Variants in FLI1 observed in about 807,000 individuals in gnomAD.
FLI1 encodes Friend leukemia integration 1 transcription factor.
A neutral mutation model predicts 53.1 loss-of-function variants in FLI1; 13 were observed. That is an observed-to-expected ratio of 0.24 (90% confidence interval 0.16 to 0.39). FLI1 has a LOEUF of 0.39. Ranked by LOEUF, FLI1 falls within the 10% of genes least tolerant of loss-of-function variation. The pLI is 1.00. For synonymous variants in FLI1, 244 were observed against 236.7 expected (o/e 1.03, Z -0.28); for missense variants, 424 against 600.5 (o/e 0.71, Z 3.07).
At chr11:128,707,887 G>A (rs564858550) in intron 1 of FLI1, among the ~76,000 whole-genome samples, 3 of 152,282 alleles carry the variant, frequency 2.0e-5, no homozygotes, top group East Asian at 1.9e-4. Flanking sequence ...CAAAACACTG[G>A]TTTTGTAAGA....
intron 5 of FLI1, among the ~76,000 whole-genome samples, chr11:128,797,257 T>C (rs1260677411): frequency 6.6e-6 from 1 of 152,224 alleles, no homozygotes; most frequent in African/African-American, 2.4e-5. Context: ...TCTCACCTTT[T>C]ACTATTCCTC....
Position 128,791,932 on chromosome 11 carries a change from C to T in FLI1, c.655+9909C>T, listed in dbSNP as rs139597072. Among the ~76,000 whole-genome samples, 1,294 of 152,304 alleles carry T rather than the reference C, an allele frequency of 8.5e-3. 12 individuals carry two copies. The highest frequency in any genetic ancestry group is 0.029 in the South Asian group (142 of 4,816). On this transcript the variant is annotated intron_variant, in intron 5 of 8. Transcript: ENST00000527786. ...GGAGGAGGCTGAGGACACGCCAAGC[C>T]GAGGAAAGGTGACGCTGCAGGGAGA... is the stretch of plus-strand genomic sequence containing the variant.
chr11:128,768,145 C>T lies in FLI1; in HGVS notation c.258C>T (p.Ser86=). 6.2e-7 allele frequency: 1 copy of T among 1,613,640 alleles called. No individual in the cohort carries two copies. The highest frequency in any genetic ancestry group is 8.5e-7 in the Non-Finnish European group (1 of 1,179,714). ...AGTCTCCGGTGGACTGCAGCGTTAG[C>T]AAATGCAGCAAGCTGGTGGGCGGAG... is the stretch of plus-strand genomic sequence containing the variant. ...SRESPVDCSV[S]KCSKLVGGGE... is the part of the protein sequence containing the mutation. Residue 86 remains serine (S), a synonymous_variant, in exon 3 of 9, where the codon AGC becomes AGT. Transcript: ENST00000527786.
At chr11:128,767,064 T>A (rs1231859558) in intron 2 of FLI1, among the ~76,000 whole-genome samples, 1 of 152,040 alleles carries the variant, frequency 6.6e-6, no homozygotes, top group Non-Finnish European at 1.5e-5. Flanking sequence ...AGGTGCGTGA[T>A]GCTGGGCTGG....
At chr11:128,720,059 C>T (rs1939192187) in intron 1 of FLI1, among the ~76,000 whole-genome samples, 1 of 152,190 alleles carries the variant, frequency 6.6e-6, no homozygotes, top group Non-Finnish European at 1.5e-5. Flanking sequence ...CACGCATAGT[C>T]TCACAATACA....
At chr11:128,729,568 T>G (rs1013355905) in intron 1 of FLI1, among the ~76,000 whole-genome samples, 2 of 152,086 alleles carry the variant, frequency 1.3e-5, no homozygotes, top group African/African-American at 4.8e-5. Flanking sequence ...GAAACACGAG[T>G]GCACCAAGCA....
At chr11:128,690,583 T>G (rs1382044244), upstream of FLI1, among the ~76,000 whole-genome samples, 1 of 152,214 alleles carries the variant, frequency 6.6e-6, no homozygotes, top group Non-Finnish European at 1.5e-5. Flanking sequence ...AAGCAGGACT[T>G]CCGCATCTTT....
At chr11:128,790,555 C>A (rs1274056621) in intron 5 of FLI1, among the ~76,000 whole-genome samples, 1 of 152,160 alleles carries the variant, frequency 6.6e-6, no homozygotes, top group Non-Finnish European at 1.5e-5. Context: ...ACTGTTATTT[C>A]TTTTCGTGGG....
chr11:128,760,520 CT>C (rs1179242159), intron 2 of FLI1, among the ~76,000 whole-genome samples: 1,501 of 103,572 alleles, frequency 0.014, 15 homozygotes, highest in African/African-American at 0.035. Flanking sequence ...GTGGAGATTC[CT>C]TTTTTTTTTT....
At chr11:128,709,532 C>T (rs560102556) in intron 1 of FLI1, among the ~76,000 whole-genome samples, 6 of 152,266 alleles carry the variant, frequency 3.9e-5, no homozygotes, top group African/African-American at 7.2e-5. Context: ...CCCACGTATC[C>T]GGCCATTGTT....
upstream of FLI1, chr11:128,686,434 G>A (rs887645632): frequency 2.2e-6 from 1 of 456,294 alleles, no homozygotes; most frequent in South Asian, 1.5e-5. Context: ...CCCCTGGCCT[G>A]AAGCCCGGGG....
chr11:128,706,285 T>C (rs1039026728), intron 1 of FLI1, among the ~76,000 whole-genome samples: 1 of 152,162 alleles, frequency 6.6e-6, no homozygotes, highest in South Asian at 2.1e-4. Context: ...ATTCCAGAAA[T>C]TGAGTTGAGA....
chr11:128,771,199 G>A (rs1393338277), intron 3 of FLI1, among the ~76,000 whole-genome samples: 1 of 152,234 alleles, frequency 6.6e-6, no homozygotes, highest in African/African-American at 2.4e-5. Context: ...CCCACCATCT[G>A]AGCCGTCACT....
intron 3 of FLI1, among the ~76,000 whole-genome samples, chr11:128,771,286 TC>T (rs1404537821): frequency 1.3e-5 from 2 of 152,118 alleles, no homozygotes; most frequent in East Asian, 1.9e-4. Flanking sequence ...TCCTAACTCC[TC>T]CCCTTTGCCA....
In FLI1 at chr11:128,787,101, G is replaced by A. The variant is rs561656148; in HGVS notation, c.655+5078G>A. Among the ~76,000 whole-genome samples the A allele has an allele frequency of 2.0e-5, 3 of 152,312 alleles. No homozygotes were observed. In the South Asian group the frequency reaches 6.2e-4, roughly 32 times the overall value. Reference sequence around the variant, plus strand: ...CTTTCTGTGTCCCTTAGAGTGAAATGCCTGGCTGGTGCTGAAGCCCATGTT... The same window carrying A: ...CTTTCTGTGTCCCTTAGAGTGAAATACCTGGCTGGTGCTGAAGCCCATGTT... On this transcript the variant is annotated intron_variant, in intron 5 of 8. Transcript: ENST00000527786.
At chr11:128,700,500 G>A (rs1481899417) in intron 1 of FLI1, among the ~76,000 whole-genome samples, 1 of 152,190 alleles carries the variant, frequency 6.6e-6, no homozygotes, top group Non-Finnish European at 1.5e-5. Flanking sequence ...ACTTTGGGGA[G>A]GAAAGTGTAC....
chr11:128,776,229 G>A (rs1453459568), intron 4 of FLI1, among the ~76,000 whole-genome samples: 1 of 152,154 alleles, frequency 6.6e-6, no homozygotes, highest in Non-Finnish European at 1.5e-5. Context: ...CTTCACACCT[G>A]GGCGTGTCAG....
rs368252820 is a variant in FLI1, at chr11:128,797,830, C to T, written c.656-7536C>T. ...TACAACCCCTCTTCCTAAAGATGATCACCTAGCGAGGGACACAAGCGTACA... is the reference window on the plus strand; with the variant it reads ...TACAACCCCTCTTCCTAAAGATGATTACCTAGCGAGGGACACAAGCGTACA... On this transcript the variant is annotated intron_variant, in intron 5 of 8. Coordinates refer to ENST00000527786, the MANE Select transcript of FLI1 (RefSeq NM_002017.5). Among the ~76,000 whole-genome samples, 29 of 152,122 alleles carry T rather than the reference C, an allele frequency of 1.9e-4. 1 individual carries two copies. The East Asian group carries it at 2.9e-3, about 15-fold the overall frequency.
intron 1 of FLI1, among the ~76,000 whole-genome samples, chr11:128,726,204 C>A (rs1005706460): frequency 1.3e-5 from 2 of 152,166 alleles, no homozygotes; most frequent in African/African-American, 4.8e-5. Context: ...CTCAGCCCCC[C>A]TGCCCTCCCC....
Sources: gnomAD v4.1 joint callset for allele counts (sites outside exome capture counted in the v4.1 genomes callset) on GRCh38, gnomAD v4.1.1 for gene constraint, MANE v1.5 for transcripts, NCBI Gene and HGNC (gene_info 2026-07-23, HGNC 2026-07-21) for gene names.